FAP: variants seen among roughly 807,000 people sequenced by gnomAD.
The protein encoded by FAP is prolyl endopeptidase FAP.
FAP carries 110 observed loss-of-function variants against 126.5 expected under a neutral mutation model. The ratio of observed to expected loss-of-function variants is 0.87; its 90% CI spans 0.74 to 1.02. The LOEUF is 1.02. Among genes scored for constraint, FAP ranks in the 50% least tolerant of loss-of-function variants. The probability of loss-of-function intolerance (pLI) is 0.00; values close to 1 mark genes in which losing one functional copy is unlikely to be tolerated. For synonymous variants in FAP, 334 were observed against 297.3 expected, an observed-to-expected ratio of 1.12 and a Z score of -1.27; for missense variants, 919 against 909.2, an observed-to-expected ratio of 1.01 and a Z score of -0.14.
intron 14 of FAP, among the ~76,000 whole-genome samples, chr2:162,202,250 G>C (rs1688526862): frequency 6.6e-6 from 1 of 152,242 alleles, no homozygotes; most frequent in Admixed American, 6.5e-5. Context: ...ATGGACTGAA[G>C]AGGAAAGAAC....
At chr2:162,236,341 T>C (rs1057437557) in intron 2 of FAP, among the ~76,000 whole-genome samples, 4 of 152,212 alleles carry the variant, frequency 2.6e-5, no homozygotes, top group African/African-American at 7.2e-5. Context: ...AAGTGTTTTC[T>C]TTCATTTTTT....
At chr2:162,180,590 AC>A (rs1278353466) in intron 21 of FAP, among the ~76,000 whole-genome samples, 1 of 152,212 alleles carries the variant, frequency 6.6e-6, no homozygotes, top group Admixed American at 6.5e-5. Flanking sequence ...ATGAGAACAG[AC>A]TTTGATGTTT....
chr2:162,236,621 G>A (rs1690144901), intron 2 of FAP, among the ~76,000 whole-genome samples: 1 of 151,838 alleles, frequency 6.6e-6, no homozygotes, highest in South Asian at 2.1e-4. Flanking sequence ...TTTTGGTGGG[G>A]GGGCAGGGAG....
At chr2:162,205,648 G>T (rs1451110389) in intron 12 of FAP, among the ~76,000 whole-genome samples, 1 of 152,014 alleles carries the variant, frequency 6.6e-6, no homozygotes, top group East Asian at 1.9e-4. Context: ...CAAGTAGCTG[G>T]GATTACAGGC....
chr2:162,180,328 A>C (rs1415846485), intron 21 of FAP, among the ~76,000 whole-genome samples: 1 of 152,208 alleles, frequency 6.6e-6, no homozygotes, highest in Non-Finnish European at 1.5e-5. Context: ...TGTGAAGCCA[A>C]AGCAGGAGGA....
chr2:162,200,844 T>C (rs1688469398), intron 14 of FAP, among the ~76,000 whole-genome samples: 1 of 152,186 alleles, frequency 6.6e-6, no homozygotes, highest in Non-Finnish European at 1.5e-5. Context: ...CTGTTTTTAT[T>C]ATATTATATT....
In FAP at chr2:162,200,857, G is replaced by C. The variant is rs115407511; in HGVS notation, c.1224-238C>G. ...TACTGTTTTTATTATATTATATTCT[G>C]ATTCATTATGAGTCATGCAAAATCA... On this transcript the variant is annotated intron_variant, in intron 14 of 25. Coordinates refer to ENST00000188790, the MANE Select transcript of FAP (RefSeq NM_004460.5). 4.6e-3 allele frequency among the ~76,000 whole-genome samples: 701 copies of C among 152,152 alleles called. 9 individuals are homozygous for C. Among genetic ancestry groups the C allele is most frequent in the African/African-American group, 0.016 (661 of 41,520 alleles).
At chr2:162,177,458 C>T (rs777313029) in intron 21 of FAP, among the ~76,000 whole-genome samples, 13 of 152,028 alleles carry the variant, frequency 8.6e-5, no homozygotes, top group Non-Finnish European at 1.3e-4. Context: ...GCTCTCTTGA[C>T]GTTCTTTGAA....
At chr2:162,230,763 G>A (rs1459439293) in intron 2 of FAP, among the ~76,000 whole-genome samples, 1 of 141,936 alleles carries the variant, frequency 7.0e-6, no homozygotes, top group African/African-American at 2.5e-5. Flanking sequence ...CCAAATCTCT[G>A]GGGGGTGGGG....
intron 2 of FAP, among the ~76,000 whole-genome samples, chr2:162,228,884 T>C (rs1374775689): frequency 1.3e-5 from 2 of 152,170 alleles, no homozygotes; most frequent in African/African-American, 4.8e-5. Context: ...AAGGGAAAAT[T>C]ATAACACTAT....
At chr2:162,241,376 G>A (rs969315134) in intron 2 of FAP, among the ~76,000 whole-genome samples, 3 of 152,044 alleles carry the variant, frequency 2.0e-5, no homozygotes, top group African/African-American at 7.2e-5. Context: ...GATTATATGT[G>A]ATCACACAAA....
At chr2:162,207,598 A>G (rs2106256594) in intron 12 of FAP, among the ~76,000 whole-genome samples, 1 of 152,192 alleles carries the variant, frequency 6.6e-6, no homozygotes, top group East Asian at 1.9e-4. Context: ...TTTTTAAAAA[A>G]GTTCTACAGC....
At chr2:162,221,623 T>C (rs1326123690) in intron 6 of FAP, 1 of 455,914 alleles carries the variant, frequency 2.2e-6, no homozygotes, top group African/African-American at 2.0e-5. Flanking sequence ...CTCAGTTTTC[T>C]ACATACAGTG....
intron 3 of FAP, 90 bp downstream of exon 3, chr2:162,226,433 G>A: frequency 1.7e-6 from 1 of 601,688 alleles, no homozygotes; most frequent in East Asian, 3.0e-5. Flanking sequence ...AACTGATACG[G>A]CTTCAGTTAC....
intron 21 of FAP, chr2:162,175,888 A>T (rs1687466927): frequency 6.6e-6 from 1 of 152,142 alleles, no homozygotes; most frequent in African/African-American, 2.4e-5. Flanking sequence ...TCTCCTGGGA[A>T]CGTGGACTAA....
Position 162,219,175 on chromosome 2 carries a change from G to A in FAP, c.495C>T (p.Val165=), listed in dbSNP as rs1192110797. The A allele has an allele frequency of 5.6e-6, 9 of 1,604,654 alleles. No homozygotes were observed. Among genetic ancestry groups the A allele is most frequent in the Non-Finnish European group, 7.7e-6 (9 of 1,175,486 alleles). The change falls in exon 8 of 26, where the codon GTC becomes GTT. Residue 165 remains valine, a synonymous_variant. Coordinates refer to ENST00000188790, the MANE Select transcript of FAP (RefSeq NM_004460.5). ...WSPVGSKLAY[V]YQNNIYLKQR... is the part of the protein sequence containing the mutation. ...GTTTCAAATAGATATTGTTTTGATA[G>A]ACATATGCCTAAAAGTGGTGGTAAG...
At chr2:162,183,299 C>A (rs1468124466) in intron 21 of FAP, 115 bp downstream of exon 21, 11 of 836,192 alleles carry the variant, frequency 1.3e-5, no homozygotes, top group Middle Eastern at 2.2e-4. Flanking sequence ...TTTCCATTGA[C>A]AGATTAAATT....
chr2:162,198,704 G>T (rs747842689), intron 16 of FAP, 53 bp downstream of exon 16: 1 of 1,603,484 alleles, frequency 6.2e-7, no homozygotes, highest in South Asian at 1.1e-5. Flanking sequence ...AGGTGAGGAG[G>T]ATGACAACCA....
chr2:162,243,286 A>C (rs1448438296), intron 1 of FAP, 36 bp downstream of exon 1: 3 of 1,507,200 alleles, frequency 2.0e-6, no homozygotes, highest in African/African-American at 1.4e-5. Context: ...AGCCAACCCT[A>C]ATTTTTTAAG....
Sources: allele counts gnomAD v4.1 joint callset (sites outside exome capture counted in the v4.1 genomes callset), GRCh38; gene constraint gnomAD v4.1.1; transcripts MANE v1.5; gene names NCBI Gene and HGNC (gene_info 2026-07-23, HGNC 2026-07-21).